NBEA: variants seen among roughly 807,000 people sequenced by gnomAD.
NBEA encodes the protein neurobeachin.
In NBEA, 44 loss-of-function variants were observed where a neutral mutation model predicts 343.4. That is an observed-to-expected ratio of 0.13 (90% CI 0.10 to 0.16). The LOEUF (loss-of-function observed/expected upper bound fraction) is 0.16. NBEA is among the 10% of genes least tolerant of loss of function. NBEA has a pLI of 1.00. For synonymous variants in NBEA, 1,175 were observed against 1,238.7 expected, an observed-to-expected ratio of 0.95 and a Z score of 1.08; for missense variants, 2,555 against 3,631.3, an observed-to-expected ratio of 0.70 and a Z score of 7.62.
At chr13:35,172,018 A>G (rs1355412609) in intron 26 of NBEA, among the ~76,000 whole-genome samples, 2 of 152,006 alleles carry the variant, frequency 1.3e-5, no homozygotes, top group African/African-American at 4.8e-5. Context: ...AACCATTTCT[A>G]CCTCTCTTAA....
chr13:35,080,767 T>A (rs2064350927), intron 10 of NBEA, among the ~76,000 whole-genome samples: 1 of 152,162 alleles, frequency 6.6e-6, no homozygotes, highest in Non-Finnish European at 1.5e-5. Flanking sequence ...GGGTAAAAAG[T>A]TTAGCACTAA....
chr13:35,340,613 TTTATA>T (rs549988127), intron 36 of NBEA, among the ~76,000 whole-genome samples: 30 of 152,050 alleles, frequency 2.0e-4, no homozygotes, highest in Non-Finnish European at 3.4e-4. Flanking sequence ...TGCTGTAAAT[TTTATA>T]TTATATGTAT....
At chr13:35,086,526 A>T (rs2064772040) in intron 10 of NBEA, among the ~76,000 whole-genome samples, 1 of 152,106 alleles carries the variant, frequency 6.6e-6, no homozygotes, top group Non-Finnish European at 1.5e-5. Flanking sequence ...TAGTGCCCAC[A>T]TATGAGTGAG....
intron 41 of NBEA, among the ~76,000 whole-genome samples, chr13:35,527,440 C>A (rs1206768304): frequency 1.3e-5 from 2 of 152,180 alleles, no homozygotes; most frequent in Non-Finnish European, 2.9e-5. Flanking sequence ...ATGCCATCCA[C>A]AGCACCCAAG....
At chr13:35,280,064 C>A (rs1045884973) in intron 34 of NBEA, among the ~76,000 whole-genome samples, 1 of 152,060 alleles carries the variant, frequency 6.6e-6, no homozygotes, top group African/African-American at 2.4e-5. Flanking sequence ...GTGTATCTAG[C>A]TAAATTAATT....
chr13:35,652,495 G>A (rs190153773), intron 53 of NBEA, among the ~76,000 whole-genome samples: 3 of 150,852 alleles, frequency 2.0e-5, no homozygotes, highest in Admixed American at 1.3e-4. Flanking sequence ...AAAAAAATTA[G>A]CCAGGCGCGG....
rs762719755 is a variant in NBEA, at chr13:35,046,288, G to A, written c.723+887G>A. ...ATGGACATATGTTTTCTTATCTTTC[G>A]ATTAAATACCTGAGTGAGATTGCTG... On this transcript the variant is annotated intron_variant, in intron 4 of 58. Transcript: ENST00000379939. Among the ~76,000 whole-genome samples the A allele has an allele frequency of 7.2e-5, 11 of 152,110 alleles. 1 individual carries two copies. Among genetic ancestry groups the A allele is most frequent in the African/African-American group, 1.7e-4 (7 of 41,512 alleles).
At chr13:35,394,000 T>C (rs1347772477) in intron 38 of NBEA, among the ~76,000 whole-genome samples, 1 of 152,158 alleles carries the variant, frequency 6.6e-6, no homozygotes, top group Non-Finnish European at 1.5e-5. Context: ...GGTATTCTTT[T>C]ATAATATGCA....
chr13:35,591,536 G>C (rs967084718), intron 46 of NBEA, among the ~76,000 whole-genome samples: 1 of 151,922 alleles, frequency 6.6e-6, no homozygotes, highest in Non-Finnish European at 1.5e-5. Context: ...AATCAATACT[G>C]TCCCCCTTAC....
At chr13:35,354,348 G>T (rs1459940557) in intron 38 of NBEA, among the ~76,000 whole-genome samples, 2 of 152,144 alleles carry the variant, frequency 1.3e-5, no homozygotes, top group African/African-American at 4.8e-5. Flanking sequence ...CAGCTGGTAT[G>T]ATTCAGGATA....
At chr13:35,592,702 C>G (rs979857688) in intron 46 of NBEA, among the ~76,000 whole-genome samples, 7 of 152,042 alleles carry the variant, frequency 4.6e-5, no homozygotes, top group African/African-American at 1.7e-4. Context: ...AAGAGTTAAG[C>G]AGGTTCCAGA....
chr13:35,211,771 A>T (rs2152753407), intron 33 of NBEA, among the ~76,000 whole-genome samples: 1 of 152,296 alleles, frequency 6.6e-6, no homozygotes, highest in East Asian at 1.9e-4. Flanking sequence ...GTGAGCCTAG[A>T]TCACACCACT....
intron 38 of NBEA, among the ~76,000 whole-genome samples, chr13:35,370,581 G>T (rs2041371753): frequency 6.6e-6 from 1 of 151,914 alleles, no homozygotes; most frequent in South Asian, 2.1e-4. Context: ...TTATATTAAT[G>T]TACTTTTGGT....
intron 41 of NBEA, among the ~76,000 whole-genome samples, chr13:35,523,141 C>G (rs573707307): frequency 1.3e-5 from 2 of 152,088 alleles, no homozygotes; most frequent in Non-Finnish European, 2.9e-5. Flanking sequence ...TAGTGACCAC[C>G]CTTTCTGAGT....
intron 1 of NBEA, among the ~76,000 whole-genome samples, chr13:34,976,150 A>C (rs530053143): frequency 6.6e-6 from 1 of 152,234 alleles, no homozygotes; most frequent in South Asian, 2.1e-4. Context: ...GCAATTTGCA[A>C]TTGCAAAAAT....
intron 39 of NBEA, among the ~76,000 whole-genome samples, chr13:35,445,795 T>TATATATATAC (rs2045984717): frequency 1.2e-5 from 1 of 80,346 alleles, no homozygotes; most frequent in African/African-American, 6.5e-5. Context: ...TATATATATA[T>TATATATATAC]ATATATATAT....
chr13:35,468,797 A>T (rs1429387105), intron 40 of NBEA, among the ~76,000 whole-genome samples: 2 of 152,150 alleles, frequency 1.3e-5, no homozygotes, highest in East Asian at 3.9e-4. Flanking sequence ...TAGTTCTGTA[A>T]AAATATAAAA....
intron 41 of NBEA, chr13:35,474,896 T>G: frequency 1.3e-5 from 11 of 861,002 alleles, no homozygotes; most frequent in Non-Finnish European, 1.4e-5. Flanking sequence ...TTTCTCCCCT[T>G]GTGGGGGTGG....
chr13:35,078,394 C>T (rs2064214762), intron 10 of NBEA, among the ~76,000 whole-genome samples: 1 of 152,172 alleles, frequency 6.6e-6, no homozygotes, highest in Non-Finnish European at 1.5e-5. Context: ...TGTGTCTTCT[C>T]ATTCTGGGTC....
Sources: allele counts gnomAD v4.1 joint callset (sites outside exome capture counted in the v4.1 genomes callset), GRCh38; gene constraint gnomAD v4.1.1; transcripts MANE v1.5; gene names NCBI Gene and HGNC (gene_info 2026-07-23, HGNC 2026-07-21).